Variants in DBNDD2 observed in about 807,000 individuals in gnomAD.
DBNDD2 encodes the protein dysbindin domain containing 2.
In DBNDD2, 8 loss-of-function variants were observed where a neutral mutation model predicts 14.0. The ratio of observed to expected loss-of-function variants is 0.57; its 90% confidence interval spans 0.33 to 1.03. The LOEUF (loss-of-function observed/expected upper bound fraction) is 1.03, where lower values mean the gene tolerates loss of function less well. Ranked by LOEUF, DBNDD2 falls within the 50% of genes least tolerant of loss-of-function variation. DBNDD2 has a pLI of 0.03. For synonymous variants in DBNDD2, 94 were observed against 85.3 expected (o/e 1.10, Z -0.56); for missense variants, 194 against 206.0 (o/e 0.94, Z 0.36).
rs1251254658 is a variant in DBNDD2 at position 45,410,218 on chromosome 20, G to A, written c.*78G>A. ...CACAGGCCCAGCCAGAGCCTGTCGG[G>A]AGAAGACCAGACTCTTTACTTGCAG... is the stretch of plus-strand genomic sequence containing the variant. On this transcript the variant is annotated 3_prime_UTR_variant, in exon 3 of 3. Coordinates refer to ENST00000372710, the MANE Select transcript of DBNDD2 (RefSeq NM_001048225.4). The A allele has an allele frequency of 4.1e-6, 6 of 1,463,922 alleles. No individual in the cohort carries two copies. In the African/African-American group the frequency reaches 5.6e-5, roughly 14 times the overall value. 90.7% of individuals were successfully genotyped at this position (1,463,922 alleles called of 1,614,324 possible).
upstream of DBNDD2, chr20:45,408,112 C>T (rs1456967771): frequency 6.7e-7 from 1 of 1,494,316 alleles, no homozygotes; most frequent in East Asian, 2.5e-5. Flanking sequence ...AACGTACCTC[C>T]TCCATTTGTG....
rs745305925 is a variant in DBNDD2, at chr20:45,410,104, G to C, written c.450G>C (p.Arg150Ser). 1 of 1,552,710 alleles carries C rather than the reference G, an allele frequency of 6.4e-7. No homozygotes were observed. Reference sequence around the variant, plus strand: ...CACAGTCGGATGAAGAGGAGGAAAGGGGTGATGGAGGGGCAGAGCCTGGAG... The same window carrying C: ...CACAGTCGGATGAAGAGGAGGAAAGCGGTGATGGAGGGGCAGAGCCTGGAG... ...PLAQSDEEEE[R>S]GDGGAEPGAC... is the part of the protein sequence containing the mutation. The change falls in exon 3 of 3, where the codon AGG becomes AGC. Residue 150 changes from arginine to serine, a missense_variant. Transcript: ENST00000372710.
Position 45,410,265 on chromosome 20 carries a change from A to G in DBNDD2, c.*125A>G. On this transcript the variant is annotated 3_prime_UTR_variant, in exon 3 of 3. Transcript: ENST00000372710. ...GCAGTAGGCACCAGAGGTGGGAAGG[A>G]TGGTGGGATTGTGTACCTTTCTAAG... 2 of 1,052,446 alleles carry G rather than the reference A, an allele frequency of 1.9e-6. No individual in the cohort carries two copies. Among genetic ancestry groups the G allele is most frequent in the Non-Finnish European group, 2.8e-6 (2 of 726,810 alleles). The allele number at this position is 1,052,446 out of a possible 1,614,324, so 65.2% of individuals were successfully genotyped here.
Position 45,408,569 on chromosome 20 carries a change from C to T in DBNDD2, c.102C>T (p.Val34=), listed in dbSNP as rs368667648. ...EDILQPETEF[V]FPLSHLHLES... ...TTTTACAGCCAGAGACAGAGTTTGT[C>T]TTTCCTCTGTCCCATCTGCATCTCG... Residue 34 remains valine (V), a synonymous_variant, in exon 1 of 3, where the codon GTC becomes GTT. Coordinates refer to ENST00000372710, the MANE Select transcript of DBNDD2 (RefSeq NM_001048225.4). The T allele has an allele frequency of 6.8e-6, 11 of 1,614,232 alleles. No homozygotes were observed. The highest frequency in any genetic ancestry group is 2.7e-5 in the African/African-American group (2 of 75,066).
chr20:45,406,301 A>T, upstream of DBNDD2: 1 of 640,840 alleles, frequency 1.6e-6, no homozygotes, highest in Non-Finnish European at 2.6e-6. Flanking sequence ...GCAGAGCATC[A>T]AGTGTGCGTG....
At chr20:45,408,266 G>A (rs974071525), upstream of DBNDD2, 4 of 1,553,326 alleles carry the variant, frequency 2.6e-6, no homozygotes, top group Admixed American at 3.9e-5. Flanking sequence ...CCCCGCCTCT[G>A]CATGAGACTT....
upstream of DBNDD2, chr20:45,407,304 C>G (rs993688153): frequency 3.0e-6 from 3 of 986,048 alleles, no homozygotes; most frequent in African/African-American, 5.2e-5. Flanking sequence ...CACGGTCTCC[C>G]CAGACTTCCG....
intron 1 of DBNDD2, 31 bp from the exon 2 acceptor site, chr20:45,408,770 C>G (rs1164880338): frequency 6.2e-7 from 1 of 1,606,108 alleles, no homozygotes; most frequent in Admixed American, 1.7e-5. Context: ...CAGCTTGGGT[C>G]CTCCTGACTT....
upstream of DBNDD2, chr20:45,407,349 C>T: frequency 3.0e-6 from 3 of 985,832 alleles, no homozygotes; most frequent in Non-Finnish European, 3.6e-6. Context: ...TTGGGTCCCT[C>T]TCCACCTCTG....
At position 45,408,417 on chromosome 20, in the gene DBNDD2, T is replaced by G. The variant is rs746116467; in HGVS notation, c.-51T>G. 6.2e-7 allele frequency: 1 copy of G among 1,614,102 alleles called. No homozygotes were observed. Among genetic ancestry groups the G allele is most frequent in the Non-Finnish European group, 8.5e-7 (1 of 1,180,052 alleles). ...AAGCCCAGGTCCCCTCTGTCTTCTCTTTCGACTTTGCAGCTGTACTTGTTT... is the reference window on the plus strand; with the variant it reads ...AAGCCCAGGTCCCCTCTGTCTTCTCGTTCGACTTTGCAGCTGTACTTGTTT... On this transcript the variant is annotated 5_prime_UTR_variant, in exon 1 of 3. Transcript: ENST00000372710.
upstream of DBNDD2, chr20:45,407,323 C>T (rs1989497978): frequency 2.0e-6 from 2 of 985,792 alleles, no homozygotes; most frequent in Non-Finnish European, 2.4e-6. Flanking sequence ...CGTGGCCCTG[C>T]CTTGGCCAGT....
chr20:45,407,622 A>C, upstream of DBNDD2: 5 of 988,806 alleles, frequency 5.1e-6, 1 homozygote, highest in South Asian at 2.3e-4. Flanking sequence ...TGGACCCAGA[A>C]CCCGCCTTTC....
In DBNDD2 at chr20:45,410,140, G is replaced by A. The variant is rs1270621007; in HGVS notation, c.486G>A (p.Ter162=). Residue 162 remains the stop codon, a stop_retained_variant, in exon 3 of 3, where the codon TAG becomes TAA. Transcript: ENST00000372710. The stretch of plus-strand genomic sequence containing the variant: ...GGGCAGAGCCTGGAGCCTGCAGCTA[G>A]CAGTGGGCCCCTGCCTACAGACTGA... ...DGGAEPGACS[*] 8 of 1,551,734 alleles carry A rather than the reference G, an allele frequency of 5.2e-6. No individual in the cohort carries two copies. The highest frequency in any genetic ancestry group is 3.5e-6 in the Non-Finnish European group (4 of 1,147,054).
Position 45,410,138 on chromosome 20 carries a change from T to C in DBNDD2, c.484T>C (p.Ter162GlnextTer52), listed in dbSNP as rs1409248341. ...DGGAEPGACS[*>Q] ...AGGGGCAGAGCCTGGAGCCTGCAGC[T>C]AGCAGTGGGCCCCTGCCTACAGACT... Residue 162 changes from the stop codon to glutamine, a stop_lost, in exon 3 of 3, where the codon TAG becomes CAG. Coordinates refer to ENST00000372710, the MANE Select transcript of DBNDD2 (RefSeq NM_001048225.4). The C allele has an allele frequency of 6.4e-7, 1 of 1,551,658 alleles. No individual in the cohort carries two copies.
rs544688517 is a variant in DBNDD2 at position 45,408,654 on chromosome 20, T to C, written c.139+48T>C. The C allele has an allele frequency of 6.9e-6, 11 of 1,596,664 alleles. No individual in the cohort carries two copies. In the East Asian group the frequency reaches 2.5e-4, roughly 36 times the overall value. On this transcript the variant is annotated intron_variant, in intron 1 of 2. Transcript: ENST00000372710. ...AGGGACTGGGGTAGGGTAGGGAGGATGTCCTGTGGGTCCTGAATCTTGTGG... is the reference window on the plus strand; with the variant it reads ...AGGGACTGGGGTAGGGTAGGGAGGACGTCCTGTGGGTCCTGAATCTTGTGG...
rs1405576318 is a variant in DBNDD2 at position 45,410,089 on chromosome 20, T to C, written c.435T>C (p.Asp145=). Residue 145 remains aspartate (D), a synonymous_variant, in exon 3 of 3, where the codon GAT becomes GAC. Coordinates refer to ENST00000372710, the MANE Select transcript of DBNDD2 (RefSeq NM_001048225.4). ...DGADTPLAQS[D]EEEERGDGGA... ...CAGATACGCCCTTGGCACAGTCGGA[T>C]GAAGAGGAGGAAAGGGGTGATGGAG... 2.6e-6 allele frequency: 4 copies of C among 1,553,852 alleles called. No individual in the cohort carries two copies. The highest frequency in any genetic ancestry group is 3.5e-6 in the Non-Finnish European group (4 of 1,148,186).
rs1989780148 is a variant in DBNDD2, at chr20:45,410,375, G to C, written c.*235G>C. On this transcript the variant is annotated 3_prime_UTR_variant, in exon 3 of 3. Transcript: ENST00000372710. Reference sequence around the variant, plus strand: ...TTGGCTTACTCCTGAGATATGATTTGCAAATGAGGAGAGAGAAGATGAGGT... The same window carrying C: ...TTGGCTTACTCCTGAGATATGATTTCCAAATGAGGAGAGAGAAGATGAGGT... The C allele has an allele frequency of 3.7e-6, 2 of 544,080 alleles. No homozygotes were observed. The highest frequency in any genetic ancestry group is 4.1e-5 in the South Asian group (2 of 48,288). 33.7% of individuals were successfully genotyped at this position (544,080 alleles called of 1,614,324 possible). A position where few individuals can be genotyped will look rare whatever the true frequency, so the allele number is the denominator to read the frequency against.
In DBNDD2 at chr20:45,408,361, T is replaced by C; in HGVS notation, c.-107T>C. On this transcript the variant is annotated 5_prime_UTR_variant, in exon 1 of 3. Transcript: ENST00000372710. ...TCCAGGCCGGAGCCAGGGGCCCCAC[T>C]GTTGGGATGCTGGCTGCAGTGGGGC... The C allele has an allele frequency of 1.9e-6, 3 of 1,612,444 alleles. No homozygotes were observed. Among genetic ancestry groups the C allele is most frequent in the Non-Finnish European group, 2.5e-6 (3 of 1,179,564 alleles).
upstream of DBNDD2, chr20:45,407,532 A>T: frequency 2.0e-6 from 2 of 986,152 alleles, no homozygotes; most frequent in Non-Finnish European, 2.4e-6. Context: ...GAATGCACCG[A>T]CCTGGGCTGG....
Sources: gnomAD v4.1 joint callset for allele counts on GRCh38, gnomAD v4.1.1 for gene constraint, MANE v1.5 for transcripts, NCBI Gene and HGNC (gene_info 2026-07-23, HGNC 2026-07-21) for gene names.